Variants in CAMTA1 observed in about 807,000 individuals in gnomAD.
The protein encoded by CAMTA1 is calmodulin-binding transcription activator 1.
CAMTA1 carries 27 observed loss-of-function variants against 170.9 expected under a neutral mutation model. The observed-to-expected ratio is 0.16, with a 90% confidence interval of 0.12 to 0.22. The LOEUF (loss-of-function observed/expected upper bound fraction) is 0.22, where lower values mean the gene tolerates loss of function less well. Ranked by LOEUF, CAMTA1 falls within the 10% of genes least tolerant of loss-of-function variation. CAMTA1 has a pLI of 1.00. For missense variants in CAMTA1, 1,619 were observed against 2,217.2 expected (o/e 0.73, Z 5.42); for synonymous variants, 833 against 891.5 (o/e 0.93, Z 1.17).
chr1:7,097,592 T>C (rs1642227740), intron 4 of CAMTA1, among the ~76,000 whole-genome samples: 2 of 152,240 alleles, frequency 1.3e-5, no homozygotes, highest in African/African-American at 4.8e-5. Context: ...AGAGGACTTT[T>C]CTAAGGAAGC....
chr1:7,415,624 C>G (rs1230115514), intron 5 of CAMTA1, among the ~76,000 whole-genome samples: 1 of 152,140 alleles, frequency 6.6e-6, no homozygotes, highest in Non-Finnish European at 1.5e-5. Context: ...AGATCTTCCT[C>G]CATCCCTTTA....
At chr1:7,290,224 G>A (rs867603167) in intron 5 of CAMTA1, among the ~76,000 whole-genome samples, 11 of 152,204 alleles carry the variant, frequency 7.2e-5, no homozygotes, top group Non-Finnish European at 4.4e-5. Flanking sequence ...GGAAGGGATG[G>A]GGTGAGGAAA....
At chr1:6,799,208 C>T (rs115334948) in intron 1 of CAMTA1, among the ~76,000 whole-genome samples, 2,315 of 152,268 alleles carry the variant, frequency 0.015, 52 homozygotes, top group African/African-American at 0.053. Flanking sequence ...GTGAGGACTA[C>T]GGGCGTGTGC....
At chr1:7,394,716 T>C (rs1211314165) in intron 5 of CAMTA1, among the ~76,000 whole-genome samples, 1 of 152,088 alleles carries the variant, frequency 6.6e-6, no homozygotes, top group Non-Finnish European at 1.5e-5. Flanking sequence ...ATTTGTCTAT[T>C]GTTCCTTTTG....
chr1:7,075,657 C>T, intron 3 of CAMTA1, among the ~76,000 whole-genome samples: 1 of 134,196 alleles, frequency 7.5e-6, no homozygotes, highest in Admixed American at 8.3e-5. Flanking sequence ...CTTTCAATCT[C>T]AGTGATTTTT....
intron 4 of CAMTA1, among the ~76,000 whole-genome samples, chr1:7,123,383 A>C (rs887795263): frequency 6.6e-6 from 1 of 152,038 alleles, no homozygotes; most frequent in Non-Finnish European, 1.5e-5. Context: ...GGGCCACCCT[A>C]ATGATCTCGT....
chr1:7,337,084 T>C (rs1293889363), intron 5 of CAMTA1, among the ~76,000 whole-genome samples: 1 of 152,210 alleles, frequency 6.6e-6, no homozygotes, highest in African/African-American at 2.4e-5. Context: ...TGATCTGACC[T>C]CTCTGGGGGA....
chr1:7,281,574 A>G (rs1000747497), intron 5 of CAMTA1, among the ~76,000 whole-genome samples: 1 of 152,244 alleles, frequency 6.6e-6, no homozygotes, highest in Non-Finnish European at 1.5e-5. Flanking sequence ...TAAATTAGAA[A>G]AAGTATTAAA....
At chr1:7,631,568 G>A (rs896864418) in intron 6 of CAMTA1, among the ~76,000 whole-genome samples, 1 of 152,182 alleles carries the variant, frequency 6.6e-6, no homozygotes, top group Non-Finnish European at 1.5e-5. Flanking sequence ...TGTGCTGTGG[G>A]TCCAGGCATG....
chr1:6,901,970 A>G (rs944406372), intron 3 of CAMTA1, among the ~76,000 whole-genome samples: 3 of 150,674 alleles, frequency 2.0e-5, no homozygotes, highest in Admixed American at 6.6e-5. Context: ...GTTTGAACCC[A>G]GGAGTTGGAG....
intron 1 of CAMTA1, among the ~76,000 whole-genome samples, chr1:6,790,353 A>AGT (rs1219826671): frequency 6.8e-6 from 1 of 147,542 alleles, no homozygotes; most frequent in Non-Finnish European, 1.5e-5. Flanking sequence ...CTGTGTGCAG[A>AGT]GTGTGAGAGA....
intron 3 of CAMTA1, among the ~76,000 whole-genome samples, chr1:7,025,815 T>C (rs1334473464): frequency 1.3e-5 from 2 of 151,848 alleles, no homozygotes; most frequent in East Asian, 3.9e-4. Flanking sequence ...ATCTAAGGAG[T>C]AATTAATATT....
At chr1:7,311,225 T>G (rs1446759702) in intron 5 of CAMTA1, among the ~76,000 whole-genome samples, 6 of 152,252 alleles carry the variant, frequency 3.9e-5, no homozygotes, top group Non-Finnish European at 1.5e-5. Flanking sequence ...TTTCATCTTC[T>G]TCTAATATTC....
At chr1:7,620,264 C>T (rs1253540197) in intron 6 of CAMTA1, among the ~76,000 whole-genome samples, 4 of 152,214 alleles carry the variant, frequency 2.6e-5, no homozygotes, top group African/African-American at 7.2e-5. Flanking sequence ...GTAATTTAGT[C>T]GTGGAGGCCA....
intron 5 of CAMTA1, among the ~76,000 whole-genome samples, chr1:7,396,146 C>T (rs2089288943): frequency 6.6e-6 from 1 of 152,158 alleles, no homozygotes; most frequent in African/African-American, 2.4e-5. Flanking sequence ...TGGTGTCATC[C>T]TCGCAGTAAT....
At chr1:7,337,990 T>C (rs1335385014) in intron 5 of CAMTA1, among the ~76,000 whole-genome samples, 1 of 151,222 alleles carries the variant, frequency 6.6e-6, no homozygotes, top group African/African-American at 2.4e-5. Flanking sequence ...TATGTGTATA[T>C]ATACTATATA....
intron 3 of CAMTA1, among the ~76,000 whole-genome samples, chr1:7,086,689 C>T (rs1640789709): frequency 6.6e-6 from 1 of 152,236 alleles, no homozygotes; most frequent in Non-Finnish European, 1.5e-5. Flanking sequence ...TGCCTGGCCT[C>T]TTCCACTCAG....
chr1:7,666,092 C>T lies in CAMTA1; in HGVS notation c.2652+893C>T, dbSNP rs546477896. Among the ~76,000 whole-genome samples the T allele has an allele frequency of 5.9e-5, 9 of 151,894 alleles. 1 individual carries two copies. Among genetic ancestry groups the T allele is most frequent in the Non-Finnish European group, 1.3e-4 (9 of 67,978 alleles). On this transcript the variant is annotated intron_variant, in intron 9 of 22. Transcript: ENST00000303635. ...GCTGAGGCAGGAGAATCGCTTGAACCCGGGAGGTGGAGGTTGCAGTGAGTC... is the reference window on the plus strand; with the variant it reads ...GCTGAGGCAGGAGAATCGCTTGAACTCGGGAGGTGGAGGTTGCAGTGAGTC...
intron 3 of CAMTA1, among the ~76,000 whole-genome samples, chr1:7,054,745 C>G (rs907595568): frequency 3.0e-4 from 46 of 152,338 alleles, no homozygotes; most frequent in African/African-American, 1.1e-3. Flanking sequence ...AGCCTCTGGC[C>G]TTCAGTGTTC....
Sources: allele counts gnomAD v4.1 joint callset (sites outside exome capture counted in the v4.1 genomes callset), GRCh38; gene constraint gnomAD v4.1.1; transcripts MANE v1.5; gene names NCBI Gene and HGNC (gene_info 2026-07-23, HGNC 2026-07-21).